TEKT5: variants seen among roughly 807,000 people sequenced by gnomAD.
TEKT5 encodes the protein tektin 5.
In TEKT5, 52 loss-of-function variants were observed where a neutral mutation model predicts 48.7. That is an observed-to-expected ratio of 1.07 (90% CI 0.86 to 1.35). The LOEUF (loss-of-function observed/expected upper bound fraction) is 1.35, where lower values mean the gene tolerates loss of function less well. TEKT5 is among the 40% of genes most tolerant of loss of function. The probability of loss-of-function intolerance (pLI) is 0.00; values close to 1 mark genes in which losing one functional copy is unlikely to be tolerated. For missense variants in TEKT5, 831 were observed against 641.6 expected, an observed-to-expected ratio of 1.30 and a Z score of -3.19; for synonymous variants, 318 against 267.6, an observed-to-expected ratio of 1.19 and a Z score of -1.84.
chr16:10,644,562 C>T (rs1471781967), intron 5 of TEKT5, among the ~76,000 whole-genome samples: 3 of 152,192 alleles, frequency 2.0e-5, no homozygotes, highest in Admixed American at 2.0e-4. Context: ...TCACTGCACC[C>T]CTCACCTGGC....
chr16:10,655,458 G>A (rs1359400474), intron 5 of TEKT5, among the ~76,000 whole-genome samples: 1 of 152,118 alleles, frequency 6.6e-6, no homozygotes, highest in Non-Finnish European at 1.5e-5. Flanking sequence ...CTGCCATATA[G>A]GATTATTGTG....
intron 5 of TEKT5, among the ~76,000 whole-genome samples, chr16:10,658,268 AC>A (rs751609937): frequency 1.2e-4 from 19 of 152,194 alleles, no homozygotes; most frequent in Non-Finnish European, 2.5e-4. Flanking sequence ...GTTCCTGGGA[AC>A]GCCCATGAGA....
At chr16:10,677,125 G>C (rs1898661075) in intron 4 of TEKT5, among the ~76,000 whole-genome samples, 1 of 152,080 alleles carries the variant, frequency 6.6e-6, no homozygotes, top group South Asian at 2.1e-4. Context: ...CAGGAGTCCG[G>C]GACTGCAGTG....
At chr16:10,676,273 A>C in intron 4 of TEKT5, 92 bp from the exon 5 acceptor site, 1 of 1,242,146 alleles carries the variant, frequency 8.1e-7, no homozygotes. Flanking sequence ...CTGGGTCGGG[A>C]TTATTCTCTG....
At chr16:10,659,695 C>A (rs1898329148) in intron 5 of TEKT5, among the ~76,000 whole-genome samples, 1 of 152,162 alleles carries the variant, frequency 6.6e-6, no homozygotes, top group African/African-American at 2.4e-5. Flanking sequence ...AATAAGGCAA[C>A]CGCAGAGAAA....
chr16:10,637,538 TATG>T (rs1180389046), intron 5 of TEKT5, among the ~76,000 whole-genome samples: 1 of 152,182 alleles, frequency 6.6e-6, no homozygotes, highest in Non-Finnish European at 1.5e-5. Flanking sequence ...TTTTTCCCAA[TATG>T]ATGTCACCAT....
At chr16:10,668,164 C>T (rs571731823) in intron 5 of TEKT5, among the ~76,000 whole-genome samples, 1 of 147,452 alleles carries the variant, frequency 6.8e-6, no homozygotes, top group South Asian at 2.2e-4. Flanking sequence ...CAGATGTGAG[C>T]CACCACACCT....
intron 5 of TEKT5, among the ~76,000 whole-genome samples, chr16:10,638,575 A>G (rs1897947684): frequency 6.6e-6 from 1 of 152,164 alleles, no homozygotes; most frequent in South Asian, 2.1e-4. Context: ...GAAGAGTTCG[A>G]TTTCATTTGC....
intron 5 of TEKT5, among the ~76,000 whole-genome samples, chr16:10,658,937 C>T (rs531645241): frequency 4.6e-5 from 7 of 152,206 alleles, no homozygotes; most frequent in East Asian, 3.9e-4. Flanking sequence ...AGGCTGGTCT[C>T]GAACTCCTGG....
chr16:10,652,836 G>GAC (rs572998899), intron 5 of TEKT5, among the ~76,000 whole-genome samples: 2,017 of 19,626 alleles, frequency 0.1, 125 homozygotes, highest in Non-Finnish European at 0.12. Context: ...TACACAGGCA[G>GAC]ACACACACAC....
At chr16:10,657,052 TG>T (rs1898273987) in intron 5 of TEKT5, among the ~76,000 whole-genome samples, 2 of 151,958 alleles carry the variant, frequency 1.3e-5, no homozygotes, top group African/African-American at 4.8e-5. Context: ...ATTTTTGACT[TG>T]AAATTCAAGC....
At chr16:10,633,490 C>T (rs1423180302) in intron 6 of TEKT5, among the ~76,000 whole-genome samples, 1 of 152,140 alleles carries the variant, frequency 6.6e-6, no homozygotes, top group Non-Finnish European at 1.5e-5. Flanking sequence ...AGCCCCCACT[C>T]TCCTGCACCC....
intron 5 of TEKT5, among the ~76,000 whole-genome samples, chr16:10,654,990 G>GT (rs1898235912): frequency 1.2e-4 from 14 of 118,590 alleles, no homozygotes; most frequent in Admixed American, 5.0e-4. Flanking sequence ...TGGGATCATT[G>GT]ATTTTTTTGT....
chr16:10,646,865 T>G (rs1421985242), intron 5 of TEKT5, among the ~76,000 whole-genome samples: 1 of 152,196 alleles, frequency 6.6e-6, no homozygotes, highest in Non-Finnish European at 1.5e-5. Context: ...ATAAGAATGT[T>G]CTGTGCCCAG....
rs1157691567 is a variant in TEKT5 at position 10,648,323 on chromosome 16, C to CT, written c.1087-12406_1087-12405insA. 4.2e-3 allele frequency among the ~76,000 whole-genome samples: 639 copies of CT among 150,960 alleles called. 2 individuals are homozygous for CT. Among genetic ancestry groups the CT allele is most frequent in the Non-Finnish European group, 4.9e-3 (334 of 67,792 alleles). On this transcript the variant is annotated intron_variant, in intron 5 of 6. Transcript: ENST00000283025. ...TTCCCTGGCTTTTATTTTTATTTAT[C>CT]ATTTTTTTTTTTGAGACAGAGTCTT...
At position 10,681,822 on chromosome 16, in the gene TEKT5, C is replaced by A. The variant is rs1370184680; in HGVS notation, c.863+171G>T. Among the ~76,000 whole-genome samples, 3 of 152,178 alleles carry A rather than the reference C, an allele frequency of 2.0e-5. No individual in the cohort carries two copies. In the East Asian group the frequency reaches 5.8e-4, roughly 29 times the overall value. ...CCTCCTCCGGTAAATTCCATCTTGT[C>A]TTAAGCTAACCCGACTTGGATTCTG... On this transcript the variant is annotated intron_variant, in intron 4 of 6. Coordinates refer to ENST00000283025, the MANE Select transcript of TEKT5 (RefSeq NM_144674.2).
chr16:10,673,302 T>C (rs1898581272), intron 5 of TEKT5, among the ~76,000 whole-genome samples: 1 of 152,168 alleles, frequency 6.6e-6, no homozygotes. Context: ...TGCCTAGTTT[T>C]GTGAAGTTTT....
chr16:10,682,684 A>C (rs762486753), intron 3 of TEKT5, among the ~76,000 whole-genome samples: 1 of 152,226 alleles, frequency 6.6e-6, no homozygotes, highest in Non-Finnish European at 1.5e-5. Context: ...GTTACATGAT[A>C]AATAATTTAG....
chr16:10,661,745 C>A (rs1596409989), intron 5 of TEKT5, among the ~76,000 whole-genome samples: 1 of 152,166 alleles, frequency 6.6e-6, no homozygotes, highest in Non-Finnish European at 1.5e-5. Context: ...TCCAGAGGAA[C>A]CTTCTAGAAG....
Sources: allele counts gnomAD v4.1 joint callset (sites outside exome capture counted in the v4.1 genomes callset), GRCh38; gene constraint gnomAD v4.1.1; transcripts MANE v1.5; gene names NCBI Gene and HGNC (gene_info 2026-07-23, HGNC 2026-07-21).